Variants in SP140 observed in about 807,000 individuals in gnomAD.
SP140 encodes the protein SP140 nuclear body protein.
In SP140, 81 loss-of-function variants were observed where a neutral mutation model predicts 125.0. The ratio of observed to expected loss-of-function variants is 0.65; its 90% CI spans 0.54 to 0.78. SP140 has a LOEUF of 0.78. SP140 is among the 30% of genes least tolerant of loss of function. The probability of loss-of-function intolerance (pLI) is 0.00; values close to 1 mark genes in which losing one functional copy is unlikely to be tolerated. For synonymous variants in SP140, 312 were observed against 354.0 expected (o/e 0.88, Z 1.33); for missense variants, 858 against 1,037.0 (o/e 0.83, Z 2.37).
intron 18 of SP140, 84 bp from the exon 19 acceptor site, chr2:230,290,376 C>G: frequency 4.1e-6 from 5 of 1,226,524 alleles, no homozygotes; most frequent in Non-Finnish European, 5.9e-6. Context: ...AAGTATCCCT[C>G]GTGTCTTTAT....
chr2:230,197,867 G>C, the SP140 span, among the ~76,000 whole-genome samples: 1 of 152,028 alleles, frequency 6.6e-6, no homozygotes, highest in Non-Finnish European at 1.5e-5. Context: ...TGTCAAGCTG[G>C]TTTCAAACTC....
rs1292084137 is a variant in SP140 at position 230,215,018 on chromosome 2, G to A, written c.-91+944G>A. 1.9e-6 allele frequency: 3 copies of A among 1,613,722 alleles called. No individual in the cohort carries two copies. The South Asian group carries it at 3.3e-5, about 18-fold the overall frequency. The stretch of plus-strand genomic sequence containing the variant: ...ACGCAGGTTAATTTGACTGAACAAT[G>A]TCACCAGAAGAGACAGGTTAAAAGT... On this transcript the variant is annotated intron_variant, in intron 3 of 4. Transcript: ENST00000456542.
At chr2:230,231,426 A>G (rs2047216338) in intron 1 of SP140, among the ~76,000 whole-genome samples, 2 of 152,150 alleles carry the variant, frequency 1.3e-5, no homozygotes, top group South Asian at 2.1e-4. Flanking sequence ...GGCCATATCT[A>G]ATGTTTGTTC....
chr2:230,210,416 G>A (rs1466804486), intron 1 of SP140, among the ~76,000 whole-genome samples: 1 of 152,232 alleles, frequency 6.6e-6, no homozygotes, highest in African/African-American at 2.4e-5. Context: ...TGGTGATATT[G>A]AAATCTGATG....
chr2:230,202,648 A>G, upstream of SP140: 1 of 1,614,060 alleles, frequency 6.2e-7, no homozygotes, highest in African/African-American at 1.3e-5. Flanking sequence ...GTGGAGTTAC[A>G]AGTTGAGTCA....
chr2:230,301,427 C>T (rs751269110), intron 22 of SP140, among the ~76,000 whole-genome samples: 1 of 152,344 alleles, frequency 6.6e-6, no homozygotes, highest in Non-Finnish European at 1.5e-5. Context: ...TAATGATTAA[C>T]AGCAGACTTC....
chr2:230,262,330 G>T (rs1373581892), intron 12 of SP140, among the ~76,000 whole-genome samples: 1 of 151,770 alleles, frequency 6.6e-6, no homozygotes, highest in Non-Finnish European at 1.5e-5. Flanking sequence ...CGTTATTCGG[G>T]TTTTCTCTCC....
At chr2:230,221,098 T>G (rs987068743), upstream of SP140, among the ~76,000 whole-genome samples, 2 of 151,714 alleles carry the variant, frequency 1.3e-5, no homozygotes, top group African/African-American at 4.8e-5. Context: ...CTGGCCAACA[T>G]GGTGAAACCC....
rs201053153 is a variant in SP140 at position 230,214,995 on chromosome 2, G to T, written c.-91+921G>T. 3.5e-5 allele frequency: 56 copies of T among 1,613,832 alleles called. No individual in the cohort carries two copies. Among genetic ancestry groups the T allele is most frequent in the South Asian group, 2.9e-4 (26 of 91,076 alleles). Reference sequence around the variant, plus strand: ...ATCGTCACCAGATTGGGATATTCACGCAGGTTAATTTGACTGAACAATGTC... The same window carrying T: ...ATCGTCACCAGATTGGGATATTCACTCAGGTTAATTTGACTGAACAATGTC... On this transcript the variant is annotated intron_variant, in intron 3 of 4. Coordinates refer to the SP140 transcript ENST00000456542.
At position 230,298,742 on chromosome 2, in the gene SP140, T is replaced by TA. The variant is rs552620869; in HGVS notation, c.2058+1287dup. ...CAGCCTGGAATCACTTGAAGAGCTTTAAAAAAATATTGTTTCCTGGATCCC... is the reference window on the plus strand; with the variant it reads ...CAGCCTGGAATCACTTGAAGAGCTTTAAAAAAAATATTGTTTCCTGGATCCC... On this transcript the variant is annotated intron_variant, in intron 22 of 26. Coordinates refer to ENST00000392045, the MANE Select transcript of SP140 (RefSeq NM_007237.5). Among the ~76,000 whole-genome samples, 292 of 152,284 alleles carry TA rather than the reference T, an allele frequency of 1.9e-3. 1 individual carries two copies. Among genetic ancestry groups the TA allele is most frequent in the Middle Eastern group, 3.4e-3 (1 of 294 alleles).
intron 22 of SP140, among the ~76,000 whole-genome samples, chr2:230,305,642 G>A (rs1398932392): frequency 6.6e-6 from 1 of 152,252 alleles, no homozygotes; most frequent in East Asian, 1.9e-4. Flanking sequence ...GGCCAGTGGT[G>A]GTTCGGCACT....
At chr2:230,279,297 A>C (rs917346111) in intron 15 of SP140, among the ~76,000 whole-genome samples, 1 of 152,298 alleles carries the variant, frequency 6.6e-6, no homozygotes, top group Non-Finnish European at 1.5e-5. Flanking sequence ...CATTTTTCAC[A>C]GAAATAGGTA....
At chr2:230,240,107 T>TGAAAAAA (rs1183902308) in intron 3 of SP140, among the ~76,000 whole-genome samples, 8 of 151,994 alleles carry the variant, frequency 5.3e-5, no homozygotes, top group Admixed American at 4.6e-4. Context: ...GTAAAAAGAT[T>TGAAAAAA]GAAAAAAGAA....
chr2:230,283,748 C>T (rs1336770320), intron 15 of SP140, among the ~76,000 whole-genome samples: 1 of 152,174 alleles, frequency 6.6e-6, no homozygotes, highest in Non-Finnish European at 1.5e-5. Context: ...GCAAATGGCC[C>T]AGATGGCCAG....
At chr2:230,201,277 C>T (rs2043160392), upstream of SP140, among the ~76,000 whole-genome samples, 1 of 152,222 alleles carries the variant, frequency 6.6e-6, no homozygotes, top group Non-Finnish European at 1.5e-5. Context: ...CCTAGGGGGT[C>T]TGTCAAACCG....
At chr2:230,254,621 G>A (rs1207480907) in intron 11 of SP140, among the ~76,000 whole-genome samples, 1 of 152,284 alleles carries the variant, frequency 6.6e-6, no homozygotes, top group East Asian at 1.9e-4. Flanking sequence ...TCTCAGTAAA[G>A]GGATGAATGT....
the SP140 span, among the ~76,000 whole-genome samples, chr2:230,196,072 T>G: frequency 6.6e-6 from 1 of 152,194 alleles, no homozygotes; most frequent in African/African-American, 2.4e-5. Context: ...TTTTATTACA[T>G]CCAGCATTGA....
intron 3 of SP140, chr2:230,238,593 T>C (rs1347260309): frequency 4.0e-6 from 3 of 748,650 alleles, no homozygotes; most frequent in South Asian, 1.9e-5. Context: ...CAAGTAATCC[T>C]GCAAATGGTT....
chr2:230,234,160 G>C (rs755602471), intron 1 of SP140, among the ~76,000 whole-genome samples: 1 of 152,148 alleles, frequency 6.6e-6, no homozygotes, highest in Admixed American at 6.5e-5. Context: ...AATGGAGTAG[G>C]GTGATCTATA....
Sources: allele counts gnomAD v4.1 joint callset (sites outside exome capture counted in the v4.1 genomes callset), GRCh38; gene constraint gnomAD v4.1.1; transcripts MANE v1.5; gene names NCBI Gene and HGNC (gene_info 2026-07-23, HGNC 2026-07-21).